MYT1L: variants seen among roughly 807,000 people sequenced by gnomAD.
The protein encoded by MYT1L is myelin transcription factor 1-like protein.
A neutral mutation model predicts 126.7 loss-of-function variants in MYT1L; 12 were observed. The ratio of observed to expected loss-of-function variants is 0.09; its 90% CI spans 0.06 to 0.15. The LOEUF (loss-of-function observed/expected upper bound fraction) is 0.15. Among genes scored for constraint, MYT1L ranks in the 10% least tolerant of loss-of-function variants. The pLI, the probability that MYT1L is intolerant of heterozygous loss-of-function variation, is 1.00. For missense variants in MYT1L, 979 were observed against 1,585.2 expected (o/e 0.62, Z 6.49); for synonymous variants, 541 against 604.2 (o/e 0.90, Z 1.53).
chr2:1,908,731 G>A (rs1473976629), intron 13 of MYT1L, among the ~76,000 whole-genome samples: 1 of 152,170 alleles, frequency 6.6e-6, no homozygotes, highest in Non-Finnish European at 1.5e-5. Flanking sequence ...GAGAGGGAGG[G>A]TGGCCTATGA....
At chr2:2,021,017 C>T (rs1475215299) in intron 4 of MYT1L, among the ~76,000 whole-genome samples, 1 of 152,186 alleles carries the variant, frequency 6.6e-6, no homozygotes, top group Non-Finnish European at 1.5e-5. Context: ...CTCAGGGTCC[C>T]TCTCTGCTTA....
At chr2:2,125,301 T>C (rs1400046202) in intron 3 of MYT1L, among the ~76,000 whole-genome samples, 1 of 152,200 alleles carries the variant, frequency 6.6e-6, no homozygotes, top group East Asian at 1.9e-4. Flanking sequence ...CCAAGTTTTA[T>C]TATGCCACAA....
At chr2:1,973,716 T>C (rs1008476886) in intron 8 of MYT1L, among the ~76,000 whole-genome samples, 4 of 152,224 alleles carry the variant, frequency 2.6e-5, no homozygotes, top group Admixed American at 6.5e-5. Flanking sequence ...CTTCAGGAGA[T>C]AGCAGGCTTT....
intron 2 of MYT1L, among the ~76,000 whole-genome samples, chr2:2,229,430 G>A (rs1009422005): frequency 1.3e-4 from 19 of 151,816 alleles, no homozygotes; most frequent in African/African-American, 4.6e-4. Context: ...TAGTCTCATA[G>A]GATTTCTTTC....
At chr2:2,319,173 G>C (rs1195128260) in intron 1 of MYT1L, 1 of 152,168 alleles carries the variant, frequency 6.6e-6, no homozygotes, top group African/African-American at 2.4e-5. Context: ...CACAGAGAAG[G>C]CAGAGACAAG....
chr2:2,024,877 T>C (rs1282675908), intron 4 of MYT1L, among the ~76,000 whole-genome samples: 1 of 152,252 alleles, frequency 6.6e-6, no homozygotes, highest in African/African-American at 2.4e-5. Flanking sequence ...ACTGCAGGGC[T>C]TCTGCATCTT....
chr2:2,244,682 T>C (rs10182999), intron 2 of MYT1L, among the ~76,000 whole-genome samples: 92,865 of 151,632 alleles, frequency 0.61, 28,687 homozygotes, highest in East Asian at 0.82. Context: ...AGGGCAGGTG[T>C]GGAGAAGAGG....
At chr2:2,205,818 C>A (rs2093292787) in intron 2 of MYT1L, among the ~76,000 whole-genome samples, 1 of 152,086 alleles carries the variant, frequency 6.6e-6, no homozygotes, top group African/African-American at 2.4e-5. Context: ...GGGTTAAAGT[C>A]CAAAATCCTT....
intron 2 of MYT1L, among the ~76,000 whole-genome samples, chr2:2,256,629 G>A (rs181718148): frequency 6.6e-6 from 1 of 152,292 alleles, no homozygotes; most frequent in East Asian, 1.9e-4. Flanking sequence ...TTGTGCAGAG[G>A]GAATTCGAAG....
chr2:2,208,560 C>T (rs2093394724), intron 2 of MYT1L, among the ~76,000 whole-genome samples: 1 of 152,192 alleles, frequency 6.6e-6, no homozygotes, highest in African/African-American at 2.4e-5. Context: ...CATATACTGA[C>T]ATACTGTAAT....
At chr2:1,855,111 T>A (rs2043748005) in intron 18 of MYT1L, among the ~76,000 whole-genome samples, 1 of 152,202 alleles carries the variant, frequency 6.6e-6, no homozygotes, top group Non-Finnish European at 1.5e-5. Context: ...TAAGGCTCTT[T>A]AAAAACTCAT....
intron 8 of MYT1L, among the ~76,000 whole-genome samples, chr2:1,963,041 T>C (rs2059085702): frequency 6.6e-6 from 1 of 152,254 alleles, no homozygotes; most frequent in Non-Finnish European, 1.5e-5. Flanking sequence ...AATCACTCTC[T>C]ATGGCAGATG....
At chr2:2,001,207 T>C (rs2062343272) in intron 4 of MYT1L, among the ~76,000 whole-genome samples, 1 of 151,832 alleles carries the variant, frequency 6.6e-6, no homozygotes, top group Admixed American at 6.6e-5. Context: ...TGGATTTGGA[T>C]TGTCTAAATT....
chr2:2,267,434 A>G (rs191406097), intron 2 of MYT1L, among the ~76,000 whole-genome samples: 1 of 152,312 alleles, frequency 6.6e-6, no homozygotes, highest in East Asian at 1.9e-4. Flanking sequence ...ACGCTTTAGT[A>G]TGTTCTAGAA....
intron 13 of MYT1L, among the ~76,000 whole-genome samples, chr2:1,907,011 T>C (rs1018665679): frequency 6.6e-6 from 1 of 151,024 alleles, no homozygotes; most frequent in African/African-American, 2.4e-5. Context: ...ACTCAGGTGG[T>C]TGAGGCGGGA....
chr2:2,081,396 C>T (rs904346982), intron 3 of MYT1L, among the ~76,000 whole-genome samples: 2 of 152,206 alleles, frequency 1.3e-5, no homozygotes, highest in Non-Finnish European at 2.9e-5. Context: ...ATGCACCTCC[C>T]TGAGAAATCT....
At chr2:1,875,901 C>T (rs2046844795) in intron 18 of MYT1L, among the ~76,000 whole-genome samples, 1 of 152,210 alleles carries the variant, frequency 6.6e-6, no homozygotes, top group Non-Finnish European at 1.5e-5. Flanking sequence ...CTTCTCTACC[C>T]TTGAAAGTGG....
chr2:1,945,085 A>C (rs1346869495), intron 8 of MYT1L, among the ~76,000 whole-genome samples: 1 of 152,140 alleles, frequency 6.6e-6, no homozygotes, highest in African/African-American at 2.4e-5. Flanking sequence ...CAGAAAACTA[A>C]AACAAAAGCA....
chr2:2,037,517 A>G (rs1257793547), intron 4 of MYT1L, among the ~76,000 whole-genome samples: 3 of 151,580 alleles, frequency 2.0e-5, no homozygotes, highest in African/African-American at 7.3e-5. Context: ...GCACCTTGGG[A>G]AGCCAAGGTG....
Sources: gnomAD v4.1 joint callset for allele counts (sites outside exome capture counted in the v4.1 genomes callset) on GRCh38, gnomAD v4.1.1 for gene constraint, MANE v1.5 for transcripts, NCBI Gene and HGNC (gene_info 2026-07-23, HGNC 2026-07-21) for gene names.